The following APBB2 variants were observed in gnomAD, a reference collection of about 807,000 sequenced individuals.
APBB2 encodes Fe65-like 1.
Under a neutral mutation model 82.5 loss-of-function variants are expected in APBB2, and 38 were observed. The observed-to-expected ratio is 0.46, with a 90% CI of 0.36 to 0.60. The LOEUF (loss-of-function observed/expected upper bound fraction) is 0.60, where lower values mean the gene tolerates loss of function less well. Among genes scored for constraint, APBB2 ranks in the 20% least tolerant of loss-of-function variants. The pLI is 0.00. For synonymous variants in APBB2, 341 were observed against 368.2 expected (o/e 0.93, Z 0.85); for missense variants, 772 against 972.3 (o/e 0.79, Z 2.74).
chr4:41,196,128 C>T lies in APBB2; in HGVS notation c.-417+18277G>A. Among the ~76,000 whole-genome samples the T allele has an allele frequency of 9.3e-3, 1,403 of 151,406 alleles. 32 individuals are homozygous for T. The highest frequency in any genetic ancestry group is 0.032 in the African/African-American group (1,324 of 41,052). On this transcript the variant is annotated intron_variant, in intron 1 of 17. Coordinates refer to ENST00000508593, the MANE Select transcript of APBB2 (RefSeq NM_004307.2). Reference sequence around the variant, plus strand: ...GAGCCAAGATCCCGCCACTGCACTCCAGCCTGGTCGACAGAGCAAGACTCC... The same window carrying T: ...GAGCCAAGATCCCGCCACTGCACTCTAGCCTGGTCGACAGAGCAAGACTCC...
At chr4:40,902,435 G>A (rs1775566247) in intron 10 of APBB2, among the ~76,000 whole-genome samples, 1 of 152,198 alleles carries the variant, frequency 6.6e-6, no homozygotes, top group East Asian at 1.9e-4. Context: ...AAAGTAGGGA[G>A]GGGCAAGAAA....
At chr4:40,885,143 G>C (rs552489735) in intron 12 of APBB2, among the ~76,000 whole-genome samples, 8 of 152,176 alleles carry the variant, frequency 5.3e-5, no homozygotes, top group Non-Finnish European at 1.0e-4. Context: ...ACTGTTGATG[G>C]TTGTGTGAGA....
At chr4:41,159,893 GGAA>G (rs1466166401) in intron 1 of APBB2, among the ~76,000 whole-genome samples, 1 of 92,590 alleles carries the variant, frequency 1.1e-5, no homozygotes, top group African/African-American at 4.6e-5. Flanking sequence ...AAAAAAAAAA[GGAA>G]GAAGAAGGAG....
At chr4:41,013,010 T>C (rs2154428902) in intron 6 of APBB2, among the ~76,000 whole-genome samples, 1 of 152,310 alleles carries the variant, frequency 6.6e-6, no homozygotes, top group African/African-American at 2.4e-5. Flanking sequence ...CTGAATATAT[T>C]TTTCAAGAAA....
chr4:41,077,409 G>C (rs1228329791), intron 3 of APBB2, among the ~76,000 whole-genome samples: 1 of 151,954 alleles, frequency 6.6e-6, no homozygotes, highest in Non-Finnish European at 1.5e-5. Context: ...TCTTCACAAT[G>C]AATGAAAAAG....
chr4:40,934,307 T>C, intron 10 of APBB2, 149 bp downstream of exon 10: 1 of 744,690 alleles, frequency 1.3e-6, no homozygotes, highest in East Asian at 2.6e-5. Context: ...TTTCTTCAAG[T>C]GTCAGGGAGA....
At chr4:40,868,194 A>G (rs1764519980) in intron 12 of APBB2, among the ~76,000 whole-genome samples, 1 of 152,124 alleles carries the variant, frequency 6.6e-6, no homozygotes, top group African/African-American at 2.4e-5. Context: ...AATTAGTGTC[A>G]CTTGGGAACT....
intron 17 of APBB2, among the ~76,000 whole-genome samples, chr4:40,816,535 C>A (rs1270626429): frequency 1.3e-5 from 2 of 152,206 alleles, no homozygotes; most frequent in Middle Eastern, 3.2e-3. Context: ...AACGAATACA[C>A]CTCACAGTCA....
At chr4:41,014,461 T>A in intron 5 of APBB2, 63 bp from the exon 6 acceptor site, 2 of 1,410,944 alleles carry the variant, frequency 1.4e-6, no homozygotes, top group Non-Finnish European at 2.0e-6. Flanking sequence ...ACAGTGTGAG[T>A]AAATATTTTT....
chr4:41,122,231 T>C (rs16852823), intron 2 of APBB2, among the ~76,000 whole-genome samples: 4,249 of 152,322 alleles, frequency 0.028, 140 homozygotes, highest in African/African-American at 0.073. Flanking sequence ...TGCTTGTTTT[T>C]AATATATGTT....
At chr4:40,862,612 GA>G (rs1388516965) in intron 12 of APBB2, among the ~76,000 whole-genome samples, 1 of 152,190 alleles carries the variant, frequency 6.6e-6, no homozygotes, top group Non-Finnish European at 1.5e-5. Context: ...TGTAATCCCA[GA>G]ACTTCGGGAG....
chr4:41,103,290 TATAAAG>T, intron 2 of APBB2, among the ~76,000 whole-genome samples: 1 of 152,312 alleles, frequency 6.6e-6, no homozygotes, highest in Middle Eastern at 3.4e-3. Flanking sequence ...ATGACGGTGT[TATAAAG>T]ATAGATTCTT....
intron 10 of APBB2, among the ~76,000 whole-genome samples, chr4:40,894,918 T>G (rs575075085): frequency 6.6e-6 from 1 of 152,316 alleles, no homozygotes; most frequent in South Asian, 2.1e-4. Context: ...CCTGGTCCCA[T>G]GCAAGCTGTC....
intron 12 of APBB2, 113 bp downstream of exon 12, chr4:40,890,251 T>A: frequency 7.2e-7 from 1 of 1,382,536 alleles, no homozygotes; most frequent in Non-Finnish European, 9.7e-7. Context: ...CATTTCTATA[T>A]AGAAGCTACA....
intron 6 of APBB2, among the ~76,000 whole-genome samples, chr4:40,957,585 C>CTT (rs34411160): frequency 7.0e-6 from 1 of 142,506 alleles, no homozygotes; most frequent in Non-Finnish European, 1.5e-5. Context: ...CCTCATATTC[C>CTT]TTTTTTTTTT....
intron 5 of APBB2, among the ~76,000 whole-genome samples, chr4:41,029,199 C>G (rs1474907253): frequency 6.6e-6 from 1 of 152,164 alleles, no homozygotes; most frequent in East Asian, 1.9e-4. Flanking sequence ...TGAGGAATGT[C>G]ACTGTTTGAA....
chr4:41,103,974 C>T (rs1746300516), intron 2 of APBB2, among the ~76,000 whole-genome samples: 1 of 152,186 alleles, frequency 6.6e-6, no homozygotes, highest in Non-Finnish European at 1.5e-5. Context: ...TTTGCTTTTA[C>T]AGGCTAATAC....
chr4:41,023,970 T>C (rs989132125), intron 5 of APBB2, among the ~76,000 whole-genome samples: 1 of 152,086 alleles, frequency 6.6e-6, no homozygotes, highest in Non-Finnish European at 1.5e-5. Flanking sequence ...ATGGTACTGG[T>C]ACAAAAACAA....
At position 41,174,425 on chromosome 4, in the gene APBB2, C is replaced by T. The variant is rs76503457; in HGVS notation, c.-416-31283G>A. ...TGCTTAACCACCCTGCCAAATTAAC[C>T]GGCGCATCCTACATCAGAACATGAC... On this transcript the variant is annotated intron_variant, in intron 1 of 17. Coordinates refer to ENST00000508593, the MANE Select transcript of APBB2 (RefSeq NM_004307.2). Among the ~76,000 whole-genome samples the T allele has an allele frequency of 7.0e-3, 1,062 of 152,238 alleles. 13 individuals carry two copies. The highest frequency in any genetic ancestry group is 0.033 in the South Asian group (160 of 4,828).
Sources: gnomAD v4.1 joint callset for allele counts (sites outside exome capture counted in the v4.1 genomes callset) on GRCh38, gnomAD v4.1.1 for gene constraint, MANE v1.5 for transcripts, NCBI Gene and HGNC (gene_info 2026-07-23, HGNC 2026-07-21) for gene names.